The following GRID1 variants were observed in gnomAD, a reference collection of about 807,000 sequenced individuals.
GRID1 encodes glutamate ionotropic receptor delta type subunit 1.
A neutral mutation model predicts 98.0 loss-of-function variants in GRID1; 28 were observed. The ratio of observed to expected loss-of-function variants is 0.29; its 90% confidence interval spans 0.21 to 0.39. The LOEUF is 0.39. Ranked by LOEUF, GRID1 falls within the 10% of genes least tolerant of loss-of-function variation. GRID1 has a pLI of 1.00. For missense variants in GRID1, 1,111 were observed against 1,340.5 expected, an observed-to-expected ratio of 0.83 and a Z score of 2.67; for synonymous variants, 553 against 538.5, an observed-to-expected ratio of 1.03 and a Z score of -0.37.
intron 12 of GRID1, among the ~76,000 whole-genome samples, chr10:85,663,195 C>T (rs1432120950): frequency 6.6e-6 from 1 of 152,122 alleles, no homozygotes; most frequent in Non-Finnish European, 1.5e-5. Context: ...TTGGGGAGTC[C>T]TTATCAGAGG....
intron 8 of GRID1, among the ~76,000 whole-genome samples, chr10:85,777,365 G>A (rs1198336000): frequency 6.6e-6 from 1 of 152,164 alleles, no homozygotes; most frequent in Admixed American, 6.5e-5. Flanking sequence ...ATATCTTCTA[G>A]GAGTCCCCAT....
intron 6 of GRID1, among the ~76,000 whole-genome samples, chr10:85,864,401 T>C (rs960955639): frequency 1.1e-4 from 16 of 152,214 alleles, no homozygotes; most frequent in African/African-American, 3.6e-4. Context: ...TGAAGAGGGC[T>C]ATCTGTCCAC....
intron 8 of GRID1, among the ~76,000 whole-genome samples, chr10:85,801,182 A>C (rs1286804688): frequency 6.6e-6 from 1 of 152,016 alleles, no homozygotes; most frequent in Non-Finnish European, 1.5e-5. Context: ...AGTTAATGTA[A>C]AATAATTCAA....
At chr10:86,216,623 G>C (rs1381646916) in intron 2 of GRID1, among the ~76,000 whole-genome samples, 1 of 152,180 alleles carries the variant, frequency 6.6e-6, no homozygotes, top group Non-Finnish European at 1.5e-5. Flanking sequence ...GTGGTTCGGG[G>C]TCAGAAAAGG....
At chr10:85,970,750 T>C (rs1029698959) in intron 4 of GRID1, among the ~76,000 whole-genome samples, 25 of 152,066 alleles carry the variant, frequency 1.6e-4, no homozygotes, top group Non-Finnish European at 3.1e-4. Context: ...CTCAATGTTT[T>C]TCCCCTAAGA....
Position 85,710,016 on chromosome 10 carries a change from G to T in GRID1, c.1997+12987C>A, listed in dbSNP as rs1370845724. Among the ~76,000 whole-genome samples, 2 of 152,146 alleles carry T rather than the reference G, an allele frequency of 1.3e-5. 1 individual carries two copies. The highest frequency in any genetic ancestry group is 4.2e-4 in the South Asian group (2 of 4,804). ...AATAAATAGACATCTTATGCTAATGGATTGGAAGACTTAATATTTTAAGAT... is the reference window on the plus strand; with the variant it reads ...AATAAATAGACATCTTATGCTAATGTATTGGAAGACTTAATATTTTAAGAT... On this transcript the variant is annotated intron_variant, in intron 12 of 15. Coordinates refer to ENST00000327946, the MANE Select transcript of GRID1 (RefSeq NM_017551.3).
chr10:85,634,253 TCTC>T (rs1843008791), intron 13 of GRID1, among the ~76,000 whole-genome samples: 1 of 91,428 alleles, frequency 1.1e-5, no homozygotes, highest in Non-Finnish European at 2.4e-5. Flanking sequence ...GGGGCACCTC[TCTC>T]TCTCTCTCTC....
intron 13 of GRID1, among the ~76,000 whole-genome samples, chr10:85,636,672 T>C (rs1176870429): frequency 6.6e-6 from 1 of 152,058 alleles, no homozygotes; most frequent in Non-Finnish European, 1.5e-5. Flanking sequence ...CAATGAAAGA[T>C]ATGAGAAAGT....
chr10:86,001,096 G>A (rs1312632105), intron 4 of GRID1, among the ~76,000 whole-genome samples: 1 of 152,140 alleles, frequency 6.6e-6, no homozygotes, highest in Non-Finnish European at 1.5e-5. Flanking sequence ...TGGTCTCAAA[G>A]GCTACATACT....
At chr10:85,974,183 A>G (rs1842442534) in intron 4 of GRID1, among the ~76,000 whole-genome samples, 1 of 152,222 alleles carries the variant, frequency 6.6e-6, no homozygotes, top group South Asian at 2.1e-4. Context: ...GCTCATGACC[A>G]GATCCAGTAT....
chr10:85,610,124 T>C (rs769614310), intron 15 of GRID1, among the ~76,000 whole-genome samples: 1 of 152,138 alleles, frequency 6.6e-6, no homozygotes, highest in Non-Finnish European at 1.5e-5. Flanking sequence ...TGCCTCAAAA[T>C]GAAACATTCA....
At chr10:86,085,029 A>G (rs530059917) in intron 4 of GRID1, among the ~76,000 whole-genome samples, 3 of 152,344 alleles carry the variant, frequency 2.0e-5, no homozygotes, top group Non-Finnish European at 4.4e-5. Flanking sequence ...TATGTTATGT[A>G]TTTTACCAAT....
In GRID1 at chr10:86,206,733, G is replaced by A; in HGVS notation, c.236-85C>T. On this transcript the variant is annotated intron_variant, in intron 2 of 15. Transcript: ENST00000327946. The surrounding 1 kb of genome is among the most constrained non-coding windows in gnomAD (Gnocchi z 4.1). Reference sequence around the variant, plus strand: ...CAACCTGCAGGCCCCATGCCTGGCAGCTCATGCCCAGGACTCCCAAGAGAG... The same window carrying A: ...CAACCTGCAGGCCCCATGCCTGGCAACTCATGCCCAGGACTCCCAAGAGAG... The A allele has an allele frequency of 7.6e-7, 1 of 1,319,662 alleles. No homozygotes were observed. The highest frequency in any genetic ancestry group is 1.0e-6 in the Non-Finnish European group (1 of 955,168). The allele number at this position is 1,319,662 out of a possible 1,614,324, so 81.7% of individuals were successfully genotyped here.
rs1043936807 is a variant in GRID1 at position 86,206,503 on chromosome 10, T to G, written c.381A>C (p.Ala127=). Residue 127 remains alanine (A), a synonymous_variant, in exon 3 of 16, where the codon GCA becomes GCC. Transcript: ENST00000327946. The surrounding 1 kb of genome is among the most constrained non-coding windows in gnomAD (Gnocchi z 4.1). ...QRNPGGSPRT[A]CHLNPSPDGE... ...CATCGGGGCTGGGGTTCAGGTGGCA[T>G]GCGGTGCGTGGCGACCCTCCCGGGT... 1.4e-5 allele frequency: 22 copies of G among 1,614,106 alleles called. 1 individual carries two copies. Among genetic ancestry groups the G allele is most frequent in the Non-Finnish European group, 1.7e-5 (20 of 1,180,036 alleles).
chr10:85,610,921 G>A (rs574036624), intron 15 of GRID1, among the ~76,000 whole-genome samples: 57 of 152,216 alleles, frequency 3.7e-4, no homozygotes, highest in Non-Finnish European at 6.9e-4. Context: ...TTTCCAACCT[G>A]CCTCTCTCCA....
chr10:86,138,375 C>G (rs1341171727), intron 4 of GRID1, among the ~76,000 whole-genome samples: 1 of 152,158 alleles, frequency 6.6e-6, no homozygotes, highest in Non-Finnish European at 1.5e-5. Flanking sequence ...CTAATGTATC[C>G]TTCAACGATA....
At chr10:86,002,840 C>T (rs116198363) in intron 4 of GRID1, among the ~76,000 whole-genome samples, 1,727 of 152,300 alleles carry the variant, frequency 0.011, 42 homozygotes, top group African/African-American at 0.04. Flanking sequence ...ATTCATTGTG[C>T]ACATACTATG....
intron 2 of GRID1, among the ~76,000 whole-genome samples, chr10:86,239,237 T>C (rs573388360): frequency 6.6e-6 from 1 of 152,358 alleles, no homozygotes; most frequent in African/African-American, 2.4e-5. Context: ...TGGGCTTGCA[T>C]GGGGCCTGTA....
At chr10:86,176,455 C>T (rs144414097) in intron 3 of GRID1, among the ~76,000 whole-genome samples, 498 of 152,306 alleles carry the variant, frequency 3.3e-3, no homozygotes, top group Non-Finnish European at 5.9e-3. Flanking sequence ...GGCACTGAGG[C>T]CTGAAAAAAT....
Sources: allele counts gnomAD v4.1 joint callset (sites outside exome capture counted in the v4.1 genomes callset), GRCh38; gene constraint gnomAD v4.1.1; non-coding constraint Gnocchi (gnomAD v3.1); transcripts MANE v1.5; gene names NCBI Gene and HGNC (gene_info 2026-07-23, HGNC 2026-07-21).